The following SUPT3H variants were observed in gnomAD, a reference collection of about 807,000 sequenced individuals.
SUPT3H encodes SPT3 homolog, SAGA and STAGA complex component.
In SUPT3H, 44 loss-of-function variants were observed where a neutral mutation model predicts 44.3. The ratio of observed to expected loss-of-function variants is 0.99; its 90% CI spans 0.78 to 1.28. SUPT3H has a LOEUF of 1.28. Among genes scored for constraint, SUPT3H ranks in the 50% most tolerant of loss-of-function variants. The probability of loss-of-function intolerance (pLI) is 0.00; values close to 1 mark genes in which losing one functional copy is unlikely to be tolerated. For missense variants in SUPT3H, 380 were observed against 387.1 expected, an observed-to-expected ratio of 0.98 and a Z score of 0.15; for synonymous variants, 124 against 125.6, an observed-to-expected ratio of 0.99 and a Z score of 0.09.
chr6:45,249,220 A>C (rs1562790704), intron 2 of SUPT3H, among the ~76,000 whole-genome samples: 1 of 152,176 alleles, frequency 6.6e-6, no homozygotes, highest in Non-Finnish European at 1.5e-5. Context: ...TTACTATTTC[A>C]TTCAGAGATT....
chr6:45,208,388 CAAG>C (rs1310128084), intron 2 of SUPT3H, among the ~76,000 whole-genome samples: 6 of 152,250 alleles, frequency 3.9e-5, no homozygotes, highest in African/African-American at 1.4e-4. Flanking sequence ...AGCAACTTAA[CAAG>C]AAGATCTAAC....
At chr6:44,891,648 G>A (rs924846605) in intron 10 of SUPT3H, among the ~76,000 whole-genome samples, 1 of 151,936 alleles carries the variant, frequency 6.6e-6, no homozygotes, top group Non-Finnish European at 1.5e-5. Flanking sequence ...TTTCTGTTTG[G>A]GATGATAAAA....
chr6:45,022,925 G>GA (rs1333993318), intron 3 of SUPT3H, among the ~76,000 whole-genome samples: 1 of 151,988 alleles, frequency 6.6e-6, no homozygotes, highest in Non-Finnish European at 1.5e-5. Context: ...ATGTTTGGTT[G>GA]AAAAAAATCT....
intron 2 of SUPT3H, among the ~76,000 whole-genome samples, chr6:45,150,007 CT>C (rs1236353890): frequency 6.6e-6 from 1 of 151,670 alleles, no homozygotes; most frequent in Non-Finnish European, 1.5e-5. Context: ...TAAATTGAAT[CT>C]GAATATTTGA....
intron 10 of SUPT3H, among the ~76,000 whole-genome samples, chr6:44,902,257 G>A (rs1359803748): frequency 6.6e-6 from 1 of 152,126 alleles, no homozygotes; most frequent in Non-Finnish European, 1.5e-5. Flanking sequence ...TGATCCATCA[G>A]TGTGCTGTAT....
intron 9 of SUPT3H, among the ~76,000 whole-genome samples, chr6:44,938,545 T>TACA (rs1771871853): frequency 6.6e-6 from 1 of 152,222 alleles, no homozygotes; most frequent in South Asian, 2.1e-4. Context: ...AAGATTGTTT[T>TACA]GCCTATTTGA....
chr6:44,831,002 T>C (rs1488613040), intron 10 of SUPT3H, among the ~76,000 whole-genome samples: 5 of 152,092 alleles, frequency 3.3e-5, no homozygotes, highest in African/African-American at 1.2e-4. Context: ...ATACTAAAAA[T>C]GGAAAGTAGA....
At chr6:45,009,071 C>T (rs569199243) in intron 5 of SUPT3H, among the ~76,000 whole-genome samples, 42 of 152,202 alleles carry the variant, frequency 2.8e-4, no homozygotes, top group Non-Finnish European at 5.4e-4. Flanking sequence ...ATTAGTTAAT[C>T]TTCTTTGTAG....
intron 3 of SUPT3H, among the ~76,000 whole-genome samples, chr6:45,051,264 C>T (rs1790261549): frequency 1.3e-5 from 2 of 151,922 alleles, no homozygotes; most frequent in South Asian, 4.2e-4. Context: ...GGAGGGAAGA[C>T]AGGTATGTGG....
chr6:45,253,872 T>TATATATATATATATAC (rs1491408260), intron 2 of SUPT3H, among the ~76,000 whole-genome samples: 67 of 124,060 alleles, frequency 5.4e-4, no homozygotes, highest in East Asian at 3.1e-3. Flanking sequence ...TATATATATA[T>TATATATATATATATAC]ACACACACAC....
At chr6:45,284,493 G>A (rs992487633) in intron 2 of SUPT3H, among the ~76,000 whole-genome samples, 1 of 152,146 alleles carries the variant, frequency 6.6e-6, no homozygotes, top group Non-Finnish European at 1.5e-5. Flanking sequence ...AGAAAATCTA[G>A]AAGAAATGGA....
chr6:44,909,664 C>T (rs1766703188), intron 10 of SUPT3H, among the ~76,000 whole-genome samples: 1 of 152,120 alleles, frequency 6.6e-6, no homozygotes, highest in Non-Finnish European at 1.5e-5. Flanking sequence ...ATGCAGGGGC[C>T]TGTTTTTTGA....
chr6:45,112,462 T>G (rs1409461932), intron 2 of SUPT3H, among the ~76,000 whole-genome samples: 1 of 152,172 alleles, frequency 6.6e-6, no homozygotes, highest in Admixed American at 6.5e-5. Flanking sequence ...ACATTATTCT[T>G]TTTCAATTAA....
intron 2 of SUPT3H, among the ~76,000 whole-genome samples, chr6:45,292,771 C>T (rs1276076573): frequency 6.7e-6 from 1 of 148,662 alleles, no homozygotes; most frequent in African/African-American, 2.5e-5. Context: ...AGGCCTTGTC[C>T]AACAGGAAAA....
At chr6:45,090,920 T>A (rs1797052736) in intron 3 of SUPT3H, among the ~76,000 whole-genome samples, 1 of 151,870 alleles carries the variant, frequency 6.6e-6, no homozygotes, top group African/African-American at 2.4e-5. Context: ...ATAAAAACAG[T>A]CTACAAAGAG....
At chr6:44,895,244 A>C (rs1252174473) in intron 10 of SUPT3H, among the ~76,000 whole-genome samples, 3 of 138,156 alleles carry the variant, frequency 2.2e-5, no homozygotes, top group Non-Finnish European at 4.6e-5. Flanking sequence ...GTTTGTCATC[A>C]CTTAGTCTTG....
chr6:44,996,303 T>G (rs2153501799), intron 6 of SUPT3H, among the ~76,000 whole-genome samples: 1 of 151,954 alleles, frequency 6.6e-6, no homozygotes, highest in South Asian at 2.1e-4. Context: ...ATATTTATTT[T>G]TATTTCTTCT....
chr6:45,157,340 A>G (rs1807993930), intron 2 of SUPT3H, among the ~76,000 whole-genome samples: 1 of 151,950 alleles, frequency 6.6e-6, no homozygotes, highest in Non-Finnish European at 1.5e-5. Context: ...TTCATTTATA[A>G]TGTATCATCA....
At chr6:44,968,457 C>T (rs1777089075) in intron 6 of SUPT3H, among the ~76,000 whole-genome samples, 1 of 152,112 alleles carries the variant, frequency 6.6e-6, no homozygotes, top group South Asian at 2.1e-4. Flanking sequence ...AAAGGATTTA[C>T]TGGGATGGTT....
Sources: gnomAD v4.1 joint callset for allele counts (sites outside exome capture counted in the v4.1 genomes callset) on GRCh38, gnomAD v4.1.1 for gene constraint, MANE v1.5 for transcripts, NCBI Gene and HGNC (gene_info 2026-07-23, HGNC 2026-07-21) for gene names.